Variants in RPAP3 observed in about 807,000 individuals in gnomAD.
The protein encoded by RPAP3 is RNA polymerase II associated protein 3, also known as RNA polymerase II-associated protein 3.
A neutral mutation model predicts 88.8 loss-of-function variants in RPAP3; 58 were observed. That is an observed-to-expected ratio of 0.65 (90% CI 0.53 to 0.81). The LOEUF (loss-of-function observed/expected upper bound fraction) is 0.81, where lower values mean the gene tolerates loss of function less well. Among genes scored for constraint, RPAP3 ranks in the 40% least tolerant of loss-of-function variants. The pLI is 0.00. For synonymous variants in RPAP3, 255 were observed against 259.9 expected, an observed-to-expected ratio of 0.98 and a Z score of 0.18; for missense variants, 751 against 764.3, an observed-to-expected ratio of 0.98 and a Z score of 0.20.
chr12:47,684,843 C>T (rs73104115), intron 9 of RPAP3, among the ~76,000 whole-genome samples: 9,219 of 152,228 alleles, frequency 0.061, 354 homozygotes, highest in Middle Eastern at 0.12. Context: ...CAATGATCTT[C>T]ACTCTGACTA....
In RPAP3 at chr12:47,697,682, G is replaced by A. The variant is rs1430653316; in HGVS notation, c.332C>T (p.Thr111Ile). Residue 111 changes from threonine to isoleucine, a missense_variant, in exon 4 of 17, where the codon ACC becomes ATC. Thr to Ile is a moderately conservative substitution (Grantham distance 89). Coordinates refer to ENST00000005386, the MANE Select transcript of RPAP3 (RefSeq NM_024604.3). ...ILDELDKDDS[T>I]HESLSQESES... ...TGATTCTTGAGACAGAGACTCATGG[G>A]TACTATCGTCTTTGTCAAGCTCATC... 1 of 1,606,788 alleles carries A rather than the reference G, an allele frequency of 6.2e-7. No homozygotes were observed. Among genetic ancestry groups the A allele is most frequent in the South Asian group, 1.1e-5 (1 of 89,474 alleles).
intron 12 of RPAP3, among the ~76,000 whole-genome samples, chr12:47,673,444 C>CAAA (rs35080899): frequency 1.3e-4 from 8 of 60,782 alleles, no homozygotes; most frequent in African/African-American, 2.9e-4. Context: ...AACTCCGTCT[C>CAAA]AAAAAAAAAA....
intron 4 of RPAP3, 150 bp downstream of exon 4, chr12:47,697,447 C>T: frequency 1.6e-6 from 1 of 620,254 alleles, no homozygotes; most frequent in East Asian, 3.2e-5. Flanking sequence ...TCCTAACCAC[C>T]ATGTTACAAT....
rs151315429 is a variant in RPAP3, at chr12:47,677,498, G to A, written c.1287+1995C>T. ...GATTGTATATTTAGAAAACCCCATC[G>A]TCTCAGCCCAAAATCTCCTTAAGCT... On this transcript the variant is annotated intron_variant, in intron 12 of 16. Coordinates refer to ENST00000005386, the MANE Select transcript of RPAP3 (RefSeq NM_024604.3). Among the ~76,000 whole-genome samples the A allele has an allele frequency of 1.1e-4, 17 of 152,146 alleles. 1 individual carries two copies. Among genetic ancestry groups the A allele is most frequent in the African/African-American group, 3.4e-4 (14 of 41,520 alleles).
At chr12:47,675,339 T>A (rs1218314021) in intron 12 of RPAP3, among the ~76,000 whole-genome samples, 1 of 152,030 alleles carries the variant, frequency 6.6e-6, no homozygotes, top group Non-Finnish European at 1.5e-5. Context: ...ACTGCATCAA[T>A]TAACAGTCAA....
rs367984366 is a variant in RPAP3, at chr12:47,668,973, G to A, written c.1656C>T (p.Leu552=). 5.6e-6 allele frequency: 9 copies of A among 1,613,734 alleles called. No individual in the cohort carries two copies. Among genetic ancestry groups the A allele is most frequent in the African/African-American group, 2.7e-5 (2 of 74,840 alleles). The change falls in exon 14 of 17, where the codon CTC becomes CTT. Residue 552 remains leucine, a synonymous_variant. Transcript: ENST00000005386. ...LPPIPANSFQ[L]ESDFRQLKSS... The stretch of plus-strand genomic sequence containing the variant: ...TTTTCAATTGTCTGAAATCAGATTC[G>A]AGCTGGAACGAGTTTGCAGGAATTG...
rs1250910308 is a variant in RPAP3, at chr12:47,668,976, C to A, written c.1653G>T (p.Gln551His). The change falls in exon 14 of 17, where the codon CAG becomes CAT. Residue 551 changes from glutamine (Q) to histidine (H), a missense_variant. Gln to His is a conservative substitution (Grantham distance 24). Transcript: ENST00000005386. Reference protein sequence around the residue: ...VLPPIPANSFQLESDFRQLKS... With the variant: ...VLPPIPANSFHLESDFRQLKS... ...TCAATTGTCTGAAATCAGATTCGAG[C>A]TGGAACGAGTTTGCAGGAATTGGAG... The A allele has an allele frequency of 1.2e-5, 19 of 1,613,912 alleles. No individual in the cohort carries two copies. Among genetic ancestry groups the A allele is most frequent in the Non-Finnish European group, 1.5e-5 (18 of 1,179,966 alleles).
Position 47,686,784 on chromosome 12 carries a change from G to A in RPAP3, c.988C>T (p.Gln330Ter), listed in dbSNP as rs1310504721. 6.4e-7 allele frequency: 1 copy of A among 1,570,960 alleles called. No homozygotes were observed. Among genetic ancestry groups the A allele is most frequent in the East Asian group, 2.3e-5 (1 of 43,756 alleles). Residue 330 changes from glutamine to a stop codon, truncating the protein, a stop_gained, in exon 9 of 17, where the codon CAG (glutamine) becomes TAG (stop). Transcript: ENST00000005386. LOFTEE classifies it high-confidence loss of function. Reference protein sequence around the residue: ...ANRAMAYLKIQKYEEAEKDCT... With the variant: ...ANRAMAYLKI ...TAAAATGTAACCAATACTTACTTCT[G>A]AATCTTCAGATAGGCCATAGCTCTG...
In RPAP3 at chr12:47,661,333, T is replaced by C. The variant is rs1202858018; in HGVS notation, c.*2172A>G. 3 of 151,498 alleles carry C rather than the reference T, an allele frequency of 2.0e-5. No individual in the cohort carries two copies. 9.4% of individuals were successfully genotyped at this position (151,498 alleles called of 1,614,324 possible). On this transcript the variant is annotated 3_prime_UTR_variant, in exon 17 of 17. Transcript: ENST00000005386. ...ATGACAGCCCCTAAAGACTGTTCTT[T>C]ATTCTAATCACTTTTAGGAAATGTT...
chr12:47,702,157 C>T (rs1939665740), intron 2 of RPAP3, among the ~76,000 whole-genome samples: 1 of 152,194 alleles, frequency 6.6e-6, no homozygotes, highest in Non-Finnish European at 1.5e-5. Flanking sequence ...AGTATTATCA[C>T]ATGATCATCC....
intron 5 of RPAP3, among the ~76,000 whole-genome samples, chr12:47,694,163 C>T (rs1355961983): frequency 6.6e-6 from 1 of 152,064 alleles, no homozygotes; most frequent in Non-Finnish European, 1.5e-5. Flanking sequence ...ATGCAGTACA[C>T]TAAATATTAA....
At chr12:47,688,054 T>A in intron 7 of RPAP3, 53 bp from the exon 8 acceptor site, 1 of 1,483,568 alleles carries the variant, frequency 6.7e-7, no homozygotes. Flanking sequence ...AAGATGCATA[T>A]ATATTTGACC....
chr12:47,670,591 G>C (rs906591091), intron 12 of RPAP3, among the ~76,000 whole-genome samples: 3 of 152,220 alleles, frequency 2.0e-5, no homozygotes, highest in African/African-American at 7.2e-5. Flanking sequence ...CCATGGTCAT[G>C]TTTAAGAGAT....
intron 16 of RPAP3, among the ~76,000 whole-genome samples, chr12:47,665,196 G>A (rs774945843): frequency 4.6e-5 from 7 of 151,236 alleles, no homozygotes; most frequent in Non-Finnish European, 1.0e-4. Context: ...GGATTCAAGC[G>A]ATTGATTCTC....
intron 3 of RPAP3, among the ~76,000 whole-genome samples, chr12:47,700,530 T>C (rs1243603931): frequency 6.6e-6 from 1 of 152,178 alleles, no homozygotes; most frequent in African/African-American, 2.4e-5. Context: ...GGTTATCACA[T>C]CCCCCAACAT....
At position 47,667,057 on chromosome 12, in the gene RPAP3, A is replaced by G; in HGVS notation, c.1835T>C (p.Phe612Ser). Residue 612 changes from phenylalanine (F) to serine (S), a missense_variant, in exon 16 of 17, where the codon TTT becomes TCT. Physicochemically the swap from Phe to Ser is radical, Grantham distance 155. Transcript: ENST00000005386. ...YIEKEKPLLI[F>S]EILQRLSELK... ...TTCAGAAAGTCTTTGTAAGATTTCAAAGATGAGTAATGGCTTTTCTTTCCT... is the reference window on the plus strand; with the variant it reads ...TTCAGAAAGTCTTTGTAAGATTTCAGAGATGAGTAATGGCTTTTCTTTCCT... 6.7e-7 allele frequency: 1 copy of G among 1,503,172 alleles called. No homozygotes were observed. Among genetic ancestry groups the G allele is most frequent in the Non-Finnish European group, 8.9e-7 (1 of 1,126,336 alleles). The allele number at this position is 1,503,172 out of a possible 1,614,324, so 93.1% of individuals were successfully genotyped here.
chr12:47,694,303 C>T lies in RPAP3; in HGVS notation c.545+1973G>A, dbSNP rs975624065. ...AACATGACATATGACAATAGTAGCA[C>T]GGCAGATCCACGGGGGAAAGTAGGG... On this transcript the variant is annotated intron_variant, in intron 5 of 16. Coordinates refer to ENST00000005386, the MANE Select transcript of RPAP3 (RefSeq NM_024604.3). 4.6e-5 allele frequency among the ~76,000 whole-genome samples: 7 copies of T among 152,040 alleles called. No homozygotes were observed. The East Asian group carries it at 5.8e-4, about 13-fold the overall frequency.
At chr12:47,672,074 A>T (rs1939010468) in intron 12 of RPAP3, among the ~76,000 whole-genome samples, 1 of 150,818 alleles carries the variant, frequency 6.6e-6, no homozygotes, top group South Asian at 2.1e-4. Flanking sequence ...ACATCAGGAA[A>T]CAGACAAATG....
intron 12 of RPAP3, among the ~76,000 whole-genome samples, chr12:47,675,892 G>C (rs999552696): frequency 3.3e-5 from 5 of 152,206 alleles, no homozygotes; most frequent in African/African-American, 1.2e-4. Context: ...GCAACAAGCA[G>C]ACCTAATAGA....
Sources: gnomAD v4.1 joint callset for allele counts (sites outside exome capture counted in the v4.1 genomes callset) on GRCh38, gnomAD v4.1.1 for gene constraint, MANE v1.5 for transcripts, NCBI Gene and HGNC (gene_info 2026-07-23, HGNC 2026-07-21) for gene names.